PDE9A: variants seen among roughly 807,000 people sequenced by gnomAD.
PDE9A encodes the protein phosphodiesterase 9A.
PDE9A carries 60 observed loss-of-function variants against 87.4 expected under a neutral mutation model. That is an observed-to-expected ratio of 0.69 (90% confidence interval 0.56 to 0.85). PDE9A has a LOEUF of 0.85. Among genes scored for constraint, PDE9A ranks in the 40% least tolerant of loss-of-function variants. The pLI is 0.00. For missense variants in PDE9A, 665 were observed against 779.0 expected (o/e 0.85, Z 1.74); for synonymous variants, 272 against 279.4 (o/e 0.97, Z 0.27).
rs149967454 is a variant in PDE9A, at chr21:42,768,239, A to G, written c.1408A>G (p.Met470Val). Residue 470 changes from methionine (M) to valine (V), a missense_variant, in exon 16 of 20, where the codon ATG becomes GTG. Transcript: ENST00000291539. ...CCDISNEVRP[M>V]EVAEPWVDCL... ...TGATATCTCTAACGAGGTCCGTCCA[A>G]TGGAAGTCGCAGAGCCTTGGGTGGA... 106 of 1,611,530 alleles carry G rather than the reference A, an allele frequency of 6.6e-5. 1 individual carries two copies. Among genetic ancestry groups the G allele is most frequent in the South Asian group, 7.7e-5 (7 of 91,038 alleles).
At chr21:42,662,480 C>T (rs558747015) in intron 1 of PDE9A, among the ~76,000 whole-genome samples, 131 of 151,632 alleles carry the variant, frequency 8.6e-4, no homozygotes, top group African/African-American at 3.0e-3. Flanking sequence ...CCACCACACA[C>T]ACACACCATG....
intron 14 of PDE9A, among the ~76,000 whole-genome samples, chr21:42,764,605 G>T (rs2056181887): frequency 1.3e-5 from 2 of 152,252 alleles, no homozygotes; most frequent in South Asian, 4.1e-4. Flanking sequence ...CTGCACAGGG[G>T]ATCGTTCTCG....
At chr21:42,674,316 C>CTTTTTTTTTTTT (rs34238765) in intron 1 of PDE9A, among the ~76,000 whole-genome samples, 1 of 134,608 alleles carries the variant, frequency 7.4e-6, no homozygotes, top group Non-Finnish European at 1.6e-5. Flanking sequence ...TTTAGACATT[C>CTTTTTTTTTTTT]TTTTTTTTTT....
chr21:42,720,398 G>A lies in PDE9A; in HGVS notation c.263-11372G>A, dbSNP rs550260161. On this transcript the variant is annotated intron_variant, in intron 4 of 19. Coordinates refer to ENST00000291539, the MANE Select transcript of PDE9A (RefSeq NM_002606.3). ...AATCCCAGCTACTCGGGAGGCTGAG[G>A]CAGGAGAATCGCTTGAACCTGGGAG... Among the ~76,000 whole-genome samples, 16 of 152,298 alleles carry A rather than the reference G, an allele frequency of 1.1e-4. No homozygotes were observed. The East Asian group carries it at 3.1e-3, about 29-fold the overall frequency.
chr21:42,760,301 GTGACTCGGACCCCC>G lies in PDE9A; in HGVS notation c.898-24_898-11del. The G allele has an allele frequency of 7.1e-7, 1 of 1,418,360 alleles. No individual in the cohort carries two copies. Among genetic ancestry groups the G allele is most frequent in the Non-Finnish European group, 9.9e-7 (1 of 1,007,056 alleles). 87.9% of individuals were successfully genotyped at this position (1,418,360 alleles called of 1,614,324 possible). ...AGAGGTGGGCGGGCCCAGGCACAGG[GTGACTCGGACCCCC>G]TGCCTCCCGCAGTTCTGCGTCCACG... On this transcript the variant is annotated splice_polypyrimidine_tract_variant and intron_variant, in intron 11 of 19. Coordinates refer to ENST00000291539, the MANE Select transcript of PDE9A (RefSeq NM_002606.3). This position sits in a 1 kb window ranked among gnomAD's most constrained non-coding sequence, Gnocchi z 5.2.
intron 4 of PDE9A, among the ~76,000 whole-genome samples, chr21:42,718,745 C>A (rs2050193483): frequency 6.6e-6 from 1 of 151,804 alleles, no homozygotes; most frequent in Non-Finnish European, 1.5e-5. Context: ...CTCATTTTGG[C>A]ATCTGAGCCG....
At chr21:42,715,514 C>T (rs758437322) in intron 4 of PDE9A, among the ~76,000 whole-genome samples, 1 of 151,660 alleles carries the variant, frequency 6.6e-6, no homozygotes, top group Non-Finnish European at 1.5e-5. Context: ...GTAATGCCAA[C>T]TACTTGGCAG....
intron 1 of PDE9A, among the ~76,000 whole-genome samples, chr21:42,656,520 T>C (rs1328714816): frequency 6.6e-6 from 1 of 152,282 alleles, no homozygotes; most frequent in African/African-American, 2.4e-5. Flanking sequence ...TCTCCTGGCT[T>C]GGCCTTACCT....
In PDE9A at chr21:42,694,221, G is replaced by A. The variant is rs116881918; in HGVS notation, c.219-4747G>A. Among the ~76,000 whole-genome samples the A allele has an allele frequency of 1.3e-5, 2 of 152,140 alleles. No individual in the cohort carries two copies. Among genetic ancestry groups the A allele is most frequent in the Admixed American group, 1.3e-4 (2 of 15,278 alleles). On this transcript the variant is annotated intron_variant, in intron 3 of 19. Transcript: ENST00000291539. The surrounding 1 kb of genome is among the most constrained non-coding windows in gnomAD (Gnocchi z 5.3). The stretch of plus-strand genomic sequence containing the variant: ...TGGTTGGTTGGTTGGTGGGTTGGTT[G>A]GGTTGTGTCTCTCTTTAACTTCCTC...
intron 1 of PDE9A, among the ~76,000 whole-genome samples, chr21:42,670,491 C>T (rs1255126058): frequency 6.6e-6 from 1 of 151,296 alleles, no homozygotes; most frequent in Non-Finnish European, 1.5e-5. Context: ...CATACACTTA[C>T]ACACGCACTC....
intron 4 of PDE9A, among the ~76,000 whole-genome samples, chr21:42,720,523 T>C (rs2050396869): frequency 6.6e-6 from 1 of 151,978 alleles, no homozygotes; most frequent in Admixed American, 6.6e-5. Flanking sequence ...TTCACCCCAC[T>C]ACGGGCAAGA....
chr21:42,694,298 TCCCC>T lies in PDE9A; in HGVS notation c.219-4667_219-4664del, dbSNP rs1343800893. Among the ~76,000 whole-genome samples the T allele has an allele frequency of 6.6e-6, 1 of 152,000 alleles. No homozygotes were observed. Among genetic ancestry groups the T allele is most frequent in the Admixed American group, 6.6e-5 (1 of 15,262 alleles). On this transcript the variant is annotated intron_variant, in intron 3 of 19. Transcript: ENST00000291539. This position sits in a 1 kb window ranked among gnomAD's most constrained non-coding sequence, Gnocchi z 5.3. The stretch of plus-strand genomic sequence containing the variant: ...TGGTGTGGACTTGGTCACCTCACTG[TCCCC>T]CCAGCCTCAGGCCCAGGAACCATGT...
rs2147184559 is a variant in PDE9A, at chr21:42,769,157, T to G, written c.1590+2T>G. On this transcript the variant is annotated splice_donor_variant, in intron 17 of 19. Coordinates refer to ENST00000291539, the MANE Select transcript of PDE9A (RefSeq NM_002606.3). LOFTEE classifies it high-confidence loss of function. Reference sequence around the variant, plus strand: ...CCAATGTTTGAAACAGTGACCAAGGTGAGTAACTGTCACCACATGTCACAC... The same window carrying G: ...CCAATGTTTGAAACAGTGACCAAGGGGAGTAACTGTCACCACATGTCACAC... 1 of 1,612,294 alleles carries G rather than the reference T, an allele frequency of 6.2e-7. No homozygotes were observed. Among genetic ancestry groups the G allele is most frequent in the Non-Finnish European group, 8.5e-7 (1 of 1,178,902 alleles).
In PDE9A at chr21:42,769,142, A is replaced by G. The variant is rs764036457; in HGVS notation, c.1577A>G (p.Glu526Gly). ...AAGTTTGTCCTGATCCCAATGTTTG[A>G]AACAGTGACCAAGGTGAGTAACTGT... ...FIKFVLIPMF[E>G]TVTKLFPMVE... is the part of the protein sequence containing the mutation. The change falls in exon 17 of 20, where the codon GAA becomes GGA. Residue 526 changes from glutamate to glycine, a missense_variant. Transcript: ENST00000291539. 3 of 1,613,650 alleles carry G rather than the reference A, an allele frequency of 1.9e-6. No individual in the cohort carries two copies. The highest frequency in any genetic ancestry group is 1.7e-6 in the Non-Finnish European group (2 of 1,179,684).
At chr21:42,697,939 C>T (rs1421160558) in intron 3 of PDE9A, among the ~76,000 whole-genome samples, 1 of 152,186 alleles carries the variant, frequency 6.6e-6, no homozygotes, top group East Asian at 1.9e-4. Context: ...CACAGACTGA[C>T]CCATCCAGAC....
At chr21:42,668,730 C>T (rs1289401426) in intron 1 of PDE9A, among the ~76,000 whole-genome samples, 1 of 152,230 alleles carries the variant, frequency 6.6e-6, no homozygotes, top group Non-Finnish European at 1.5e-5. Flanking sequence ...CCGGGATCCG[C>T]GCAGATGCCG....
At chr21:42,682,058 C>T (rs1255323766) in intron 1 of PDE9A, among the ~76,000 whole-genome samples, 6 of 152,252 alleles carry the variant, frequency 3.9e-5, no homozygotes, top group Non-Finnish European at 7.3e-5. Flanking sequence ...CTAGGGCTCA[C>T]GCCTCATGCC....
chr21:42,697,560 A>T (rs2060212656), intron 3 of PDE9A: 2 of 951,882 alleles, frequency 2.1e-6, no homozygotes, highest in Admixed American at 3.4e-5. Flanking sequence ...AGTCTGTCTG[A>T]ACTTAAACAG....
At chr21:42,719,823 A>C (rs896509517) in intron 4 of PDE9A, among the ~76,000 whole-genome samples, 13 of 152,168 alleles carry the variant, frequency 8.5e-5, no homozygotes, top group African/African-American at 2.7e-4. Context: ...TGCTGTGTAC[A>C]ACCTGTTAAA....
Sources: gnomAD v4.1 joint callset for allele counts (sites outside exome capture counted in the v4.1 genomes callset) on GRCh38, gnomAD v4.1.1 for gene constraint, Gnocchi (gnomAD v3.1) non-coding constraint, MANE v1.5 for transcripts, NCBI Gene and HGNC (gene_info 2026-07-23, HGNC 2026-07-21) for gene names.